The following CARNMT1 variants were observed in gnomAD, a reference collection of about 807,000 sequenced individuals.
CARNMT1 encodes protein-L-histidine N-pros-methyltransferase CARNMT1.
CARNMT1 carries 28 observed loss-of-function variants against 49.6 expected under a neutral mutation model. The ratio of observed to expected loss-of-function variants is 0.56; its 90% CI spans 0.42 to 0.77. CARNMT1 has a LOEUF of 0.77. Among genes scored for constraint, CARNMT1 ranks in the 30% least tolerant of loss-of-function variants. The pLI, the probability that CARNMT1 is intolerant of heterozygous loss-of-function variation, is 0.00. For missense variants in CARNMT1, 421 were observed against 512.6 expected (o/e 0.82, Z 1.73); for synonymous variants, 178 against 175.0 (o/e 1.02, Z -0.13).
At chr9:75,016,595 G>C (rs1274956549) in intron 2 of CARNMT1, 164 bp from the exon 3 acceptor site, 1 of 608,352 alleles carries the variant, frequency 1.6e-6, no homozygotes, top group African/African-American at 1.9e-5. Context: ...TAAATGAAAA[G>C]AGTTTGGTGG....
Position 75,016,301 on chromosome 9 carries a change from T to G in CARNMT1, c.557A>C (p.Lys186Thr), listed in dbSNP as rs771021329. The change falls in exon 3 of 8, where the codon AAA (lysine) becomes ACA (threonine). Residue 186 changes from lysine to threonine, a missense_variant. Coordinates refer to ENST00000376834, the MANE Select transcript of CARNMT1 (RefSeq NM_152420.3). ...ERDACYQPIIKEILKNFPKER... is the reference protein window; with the variant it reads ...ERDACYQPIITEILKNFPKER... ...TTTTGGAAAATTTTTTAAAATTTCTTTAATGATTGGCTGGTAACAGGCATC... is the reference window on the plus strand; with the variant it reads ...TTTTGGAAAATTTTTTAAAATTTCTGTAATGATTGGCTGGTAACAGGCATC... 1.2e-6 allele frequency: 2 copies of G among 1,613,378 alleles called. No individual in the cohort carries two copies. The highest frequency in any genetic ancestry group is 1.7e-5 in the Admixed American group (1 of 59,838).
intron 3 of CARNMT1, among the ~76,000 whole-genome samples, chr9:75,003,611 G>A (rs1399208913): frequency 6.6e-6 from 1 of 152,306 alleles, no homozygotes; most frequent in Non-Finnish European, 1.5e-5. Context: ...AGTACACAGA[G>A]CTTCCTTAAC....
intron 6 of CARNMT1, among the ~76,000 whole-genome samples, chr9:74,987,557 T>C (rs1832881722): frequency 6.6e-6 from 1 of 152,166 alleles, no homozygotes; most frequent in South Asian, 2.1e-4. Flanking sequence ...TCTATTTATA[T>C]GACATTCTAG....
chr9:75,012,799 T>A (rs975755460), intron 3 of CARNMT1, among the ~76,000 whole-genome samples: 14 of 151,414 alleles, frequency 9.2e-5, no homozygotes, highest in African/African-American at 3.2e-4. Context: ...GCGTCTGTAG[T>A]CCTAGCTACT....
At chr9:74,997,467 C>T (rs1833220745) in intron 5 of CARNMT1, among the ~76,000 whole-genome samples, 1 of 152,174 alleles carries the variant, frequency 6.6e-6, no homozygotes, top group African/African-American at 2.4e-5. Flanking sequence ...CTTGCTATGG[C>T]CTGCCAACAA....
rs551511020 is a variant in CARNMT1, at chr9:75,016,029, G to A, written c.590+239C>T. On this transcript the variant is annotated intron_variant, in intron 3 of 7. Coordinates refer to ENST00000376834, the MANE Select transcript of CARNMT1 (RefSeq NM_152420.3). The stretch of plus-strand genomic sequence containing the variant: ...AAGATACACATCATTGATAATTTTC[G>A]ACCTAACCTTATTATTTAATTTCTA... 67 of 342,686 alleles carry A rather than the reference G, an allele frequency of 2.0e-4. 1 individual carries two copies. In the South Asian group the frequency reaches 3.9e-3, roughly 20 times the overall value. 21.2% of individuals were successfully genotyped at this position (342,686 alleles called of 1,614,324 possible).
chr9:74,984,956 C>G lies in CARNMT1; in HGVS notation c.1079G>C (p.Ser360Thr). 2 of 1,613,866 alleles carry G rather than the reference C, an allele frequency of 1.2e-6. No homozygotes were observed. The highest frequency in any genetic ancestry group is 1.7e-6 in the Non-Finnish European group (2 of 1,179,898). Residue 360 changes from serine (S) to threonine (T), a missense_variant, in exon 7 of 8, where the codon AGC becomes ACC. Around this residue, in one of 2 missense-constraint regions of CARNMT1, gnomAD observed 235 missense variants for 344.8 expected, o/e 0.68. Transcript: ENST00000376834. Reference protein sequence around the residue: ...NLANELSIELSYEDIKNVVLQ... With the variant: ...NLANELSIELTYEDIKNVVLQ... ...AACAACGTTTTTTATATCCTCATAG[C>G]TCAATTCTATGGAAAGTTCATTTGC... is the stretch of plus-strand genomic sequence containing the variant.
chr9:75,026,935 T>C (rs1822545185), intron 1 of CARNMT1: 2 of 441,144 alleles, frequency 4.5e-6, no homozygotes, highest in Non-Finnish European at 8.4e-6. Flanking sequence ...GCCCCTGCCC[T>C]TGAGGAGGTC....
rs758222409 is a variant in CARNMT1 at position 74,998,717 on chromosome 9, C to T, written c.791G>A (p.Arg264Gln). Residue 264 changes from arginine (R) to glutamine (Q), a missense_variant, in exon 5 of 8, where the codon CGG (arginine) becomes CAG (glutamine). Arg to Gln is a conservative substitution (Grantham distance 43). Transcript: ENST00000376834. ...YPWIHQFSNN[R>Q]RSADQIRPIF... ...GGGTCGAATCTGATCAGCTGATCTC[C>T]GGTTATTGCTAAACTGATGGATCCA... 3 of 1,602,598 alleles carry T rather than the reference C, an allele frequency of 1.9e-6. No homozygotes were observed. The highest frequency in any genetic ancestry group is 1.7e-6 in the Non-Finnish European group (2 of 1,173,942).
At chr9:75,025,128 A>G (rs762380396) in intron 1 of CARNMT1, among the ~76,000 whole-genome samples, 9 of 152,222 alleles carry the variant, frequency 5.9e-5, no homozygotes, top group South Asian at 2.1e-4. Context: ...TCTACAGTAC[A>G]TATCAAACAA....
intron 3 of CARNMT1, among the ~76,000 whole-genome samples, chr9:75,004,833 C>T (rs1833456188): frequency 6.6e-6 from 1 of 152,052 alleles, no homozygotes; most frequent in African/African-American, 2.4e-5. Flanking sequence ...AAAGACATAA[C>T]AGATTTTCCC....
chr9:74,983,458 C>T lies in CARNMT1; in HGVS notation c.*309G>A, dbSNP rs1322099928. 9.7e-6 allele frequency: 2 copies of T among 207,092 alleles called. No homozygotes were observed. Among genetic ancestry groups the T allele is most frequent in the African/African-American group, 2.3e-5 (1 of 43,572 alleles). The allele number at this position is 207,092 out of a possible 1,614,324, so 12.8% of individuals were successfully genotyped here. A position where few individuals can be genotyped will look rare whatever the true frequency, so the allele number is the denominator to read the frequency against. ...AATTCGGCAGACTTGCAATGGACAG[C>T]ATCATGAAGACACTGGAGATTAGGT... On this transcript the variant is annotated 3_prime_UTR_variant, in exon 8 of 8. Coordinates refer to ENST00000376834, the MANE Select transcript of CARNMT1 (RefSeq NM_152420.3).
intron 3 of CARNMT1, chr9:75,015,738 AC>A (rs1295630999): frequency 6.6e-6 from 1 of 151,346 alleles, no homozygotes; most frequent in African/African-American, 2.4e-5. Flanking sequence ...GTGAACCAAG[AC>A]CACACCACTG....
chr9:74,995,751 A>G (rs1192929207), intron 6 of CARNMT1, among the ~76,000 whole-genome samples: 1 of 152,168 alleles, frequency 6.6e-6, no homozygotes, highest in Non-Finnish European at 1.5e-5. Context: ...TTTATGTTCT[A>G]GTCATGATGT....
At position 74,998,597 on chromosome 9, in the gene CARNMT1, C is replaced by A; in HGVS notation, c.910+1G>T. ...TTTTTAAACGCTTGATTTGGACTTA[C>A]TGCATTCTGAATAAATCTCTTGAAA... On this transcript the variant is annotated splice_donor_variant, in intron 5 of 7. Transcript: ENST00000376834. LOFTEE classifies it high-confidence loss of function. The A allele has an allele frequency of 6.4e-7, 1 of 1,562,302 alleles. No homozygotes were observed. The highest frequency in any genetic ancestry group is 8.7e-7 in the Non-Finnish European group (1 of 1,155,876).
At chr9:75,022,902 A>G (rs1415742529) in intron 1 of CARNMT1, among the ~76,000 whole-genome samples, 1 of 152,196 alleles carries the variant, frequency 6.6e-6, no homozygotes, top group Non-Finnish European at 1.5e-5. Flanking sequence ...TGAGAGGCTG[A>G]GGTGGGCAGA....
intron 6 of CARNMT1, among the ~76,000 whole-genome samples, chr9:74,993,543 C>T (rs11144180): frequency 6.6e-6 from 1 of 151,902 alleles, no homozygotes; most frequent in East Asian, 1.9e-4. Flanking sequence ...AAGGCAGGGG[C>T]GTCCTTAAGG....
intron 3 of CARNMT1, among the ~76,000 whole-genome samples, chr9:75,000,323 T>C (rs944257938): frequency 6.6e-6 from 1 of 152,208 alleles, no homozygotes; most frequent in Admixed American, 6.5e-5. Flanking sequence ...ATTAAACAGA[T>C]GTAGAGTTTA....
Position 75,015,744 on chromosome 9 carries a change from C to G in CARNMT1, c.590+524G>C, listed in dbSNP as rs112156302. On this transcript the variant is annotated intron_variant, in intron 3 of 7. Coordinates refer to ENST00000376834, the MANE Select transcript of CARNMT1 (RefSeq NM_152420.3). ...GAGGTCGCAGTGAACCAAGACCACACCACTGCACTCCAGCCTGGTCAAGAG... is the reference window on the plus strand; with the variant it reads ...GAGGTCGCAGTGAACCAAGACCACAGCACTGCACTCCAGCCTGGTCAAGAG... 1,322 of 151,256 alleles carry G rather than the reference C, an allele frequency of 8.7e-3. 25 individuals are homozygous for G. The highest frequency in any genetic ancestry group is 0.029 in the African/African-American group (1,209 of 41,136). 9.4% of individuals were successfully genotyped at this position (151,256 alleles called of 1,614,324 possible).
Sources: gnomAD v4.1 joint callset for allele counts (sites outside exome capture counted in the v4.1 genomes callset) on GRCh38, gnomAD v4.1.1 for gene constraint, gnomAD v4.1.1 regional missense constraint, MANE v1.5 for transcripts, NCBI Gene and HGNC (gene_info 2026-07-23, HGNC 2026-07-21) for gene names.